FOXP1: variants seen among roughly 807,000 people sequenced by gnomAD.
FOXP1 encodes the protein forkhead box P1.
In FOXP1, 15 loss-of-function variants were observed where a neutral mutation model predicts 98.2. The observed-to-expected ratio is 0.15, with a 90% CI of 0.10 to 0.24. FOXP1 has a LOEUF of 0.24. Ranked by LOEUF, FOXP1 falls within the 10% of genes least tolerant of loss-of-function variation. FOXP1 has a pLI of 1.00. For missense variants in FOXP1, 633 were observed against 848.5 expected (o/e 0.75, Z 3.15); for synonymous variants, 371 against 314.5 (o/e 1.18, Z -1.90).
intron 3 of FOXP1, among the ~76,000 whole-genome samples, chr3:71,481,258 T>C (rs1282567936): frequency 6.6e-6 from 1 of 152,186 alleles, no homozygotes; most frequent in Non-Finnish European, 1.5e-5. Flanking sequence ...CGATCACCTA[T>C]GAGTTAGGTA....
At chr3:71,505,157 A>G (rs1462715747) in intron 2 of FOXP1, among the ~76,000 whole-genome samples, 1 of 152,112 alleles carries the variant, frequency 6.6e-6, no homozygotes, top group East Asian at 1.9e-4. Context: ...ATGGTTCCCA[A>G]AATAAAGACA....
At chr3:71,080,325 T>C (rs748092889) in intron 7 of FOXP1, among the ~76,000 whole-genome samples, 3 of 152,204 alleles carry the variant, frequency 2.0e-5, no homozygotes, top group Non-Finnish European at 4.4e-5. Context: ...AAAAATGCAA[T>C]TAACACCTTT....
At chr3:71,073,156 T>C (rs1049996390) in intron 7 of FOXP1, among the ~76,000 whole-genome samples, 6 of 152,222 alleles carry the variant, frequency 3.9e-5, no homozygotes, top group African/African-American at 1.4e-4. Flanking sequence ...AATTCAGCGA[T>C]GTCCAATTTT....
intron 12 of FOXP1, among the ~76,000 whole-genome samples, chr3:71,011,727 T>TGC (rs766542522): frequency 6.6e-6 from 1 of 152,182 alleles, no homozygotes; most frequent in Non-Finnish European, 1.5e-5. Flanking sequence ...AAGCAACAGT[T>TGC]GCAGGTTGAT....
chr3:70,988,165 A>G, intron 13 of FOXP1, 88 bp from the exon 14 acceptor site: 1 of 1,110,984 alleles, frequency 9.0e-7, no homozygotes, highest in South Asian at 1.2e-5. Context: ...AAATTACGCT[A>G]TGGCACCACA....
At chr3:71,185,233 G>A (rs2062577261) in intron 6 of FOXP1, among the ~76,000 whole-genome samples, 1 of 151,914 alleles carries the variant, frequency 6.6e-6, no homozygotes, top group South Asian at 2.1e-4. Flanking sequence ...TGCCAGTACA[G>A]ATTTTTGCAA....
chr3:71,098,247 C>T (rs1395269587), intron 7 of FOXP1, among the ~76,000 whole-genome samples: 1 of 152,208 alleles, frequency 6.6e-6, no homozygotes. Flanking sequence ...CTTCACTATG[C>T]TTCATTGAAC....
chr3:71,291,907 A>G (rs2072789945), intron 5 of FOXP1, among the ~76,000 whole-genome samples: 1 of 151,758 alleles, frequency 6.6e-6, no homozygotes, highest in African/African-American at 2.4e-5. Context: ...GGGTTTCACC[A>G]TGTTGGCCAG....
intron 6 of FOXP1, among the ~76,000 whole-genome samples, chr3:71,129,150 T>C (rs1038977793): frequency 2.0e-5 from 3 of 152,130 alleles, no homozygotes; most frequent in Non-Finnish European, 4.4e-5. Context: ...AGCCCACTGT[T>C]CCCACACTGA....
chr3:71,310,697 G>A (rs1358200184), intron 4 of FOXP1, among the ~76,000 whole-genome samples: 1 of 152,226 alleles, frequency 6.6e-6, no homozygotes, highest in African/African-American at 2.4e-5. Flanking sequence ...TCTGCCCAGA[G>A]TCCCCTGGTT....
intron 3 of FOXP1, among the ~76,000 whole-genome samples, chr3:71,487,793 G>A (rs1198277822): frequency 2.6e-5 from 4 of 152,194 alleles, no homozygotes; most frequent in South Asian, 2.1e-4. Flanking sequence ...GTATAATCCC[G>A]TAAGGGGCTT....
At chr3:71,164,175 A>G (rs1168323003) in intron 6 of FOXP1, among the ~76,000 whole-genome samples, 1 of 151,942 alleles carries the variant, frequency 6.6e-6, no homozygotes, top group Non-Finnish European at 1.5e-5. Context: ...TACAACTTAG[A>G]CTGCTGTACT....
chr3:71,092,383 G>GA (rs1056908646), intron 7 of FOXP1, among the ~76,000 whole-genome samples: 1 of 151,170 alleles, frequency 6.6e-6, no homozygotes, highest in South Asian at 2.1e-4. Context: ...CTCAAAAAAA[G>GA]AAAAAAAAGA....
chr3:71,187,552 C>A (rs867325669), intron 6 of FOXP1, among the ~76,000 whole-genome samples: 18 of 152,110 alleles, frequency 1.2e-4, no homozygotes, highest in Admixed American at 2.6e-4. Context: ...CATTGCACTC[C>A]AGCCTGGGCG....
At chr3:71,131,400 T>C (rs374414471) in intron 6 of FOXP1, among the ~76,000 whole-genome samples, 1 of 10,592 alleles carries the variant, frequency 9.4e-5, no homozygotes, top group Admixed American at 8.6e-4. Context: ...CCATATTCAA[T>C]AACAAAAAAA....
chr3:71,052,599 GT>G lies in FOXP1; in HGVS notation c.447del (p.Lys149AsnfsTer57). 2 of 1,408,694 alleles carry G rather than the reference GT, an allele frequency of 1.4e-6. No homozygotes were observed. Among genetic ancestry groups the G allele is most frequent in the Non-Finnish European group, 2.0e-6 (2 of 992,210 alleles). The allele number at this position is 1,408,694 out of a possible 1,614,324, so 87.3% of individuals were successfully genotyped here. ...AGTTGAAGCTGCAACTGTTCCTGTT[GT>G]TTTTTATAAAACTCTTGAAGCTGCT... ...QQQQLQEFYK[K>X]QQEQLQLQLL... On this transcript the variant is annotated frameshift_variant, in exon 9 of 21. Transcript: ENST00000649528. LOFTEE classifies it high-confidence loss of function.
chr3:71,366,942 G>A (rs1259007434), intron 3 of FOXP1, among the ~76,000 whole-genome samples: 1 of 152,194 alleles, frequency 6.6e-6, no homozygotes, highest in Non-Finnish European at 1.5e-5. Context: ...GATTATGGCT[G>A]TAAATAAATT....
intron 5 of FOXP1, among the ~76,000 whole-genome samples, chr3:71,285,175 A>C (rs936195953): frequency 1.3e-5 from 2 of 152,178 alleles, no homozygotes; most frequent in Non-Finnish European, 2.9e-5. Flanking sequence ...CGCAGTTCGA[A>C]TCAATTAGCT....
At chr3:70,969,012 A>G (rs191951520) in intron 19 of FOXP1, 69 of 152,334 alleles carry the variant, frequency 4.5e-4, no homozygotes, top group African/African-American at 1.5e-3. Context: ...ACTGAAGAAG[A>G]TGCCAAAAGC....
Sources: gnomAD v4.1 joint callset for allele counts (sites outside exome capture counted in the v4.1 genomes callset) on GRCh38, gnomAD v4.1.1 for gene constraint, MANE v1.5 for transcripts, NCBI Gene and HGNC (gene_info 2026-07-23, HGNC 2026-07-21) for gene names.